Variants in HFM1 observed in about 807,000 individuals in gnomAD.
HFM1 encodes the protein helicase for meiosis 1, also known as probable ATP-dependent DNA helicase HFM1.
HFM1 carries 169 observed loss-of-function variants against 192.1 expected under a neutral mutation model. The observed-to-expected ratio is 0.88, with a 90% CI of 0.78 to 1.00. The LOEUF (loss-of-function observed/expected upper bound fraction) is 1.00. HFM1 is among the 50% of genes least tolerant of loss of function. HFM1 has a pLI of 0.00. For missense variants in HFM1, 1,661 were observed against 1,668.0 expected (o/e 1.00, Z 0.07); for synonymous variants, 525 against 537.8 (o/e 0.98, Z 0.33).
intron 16 of HFM1, 118 bp from the exon 17 acceptor site, chr1:91,351,761 C>A: frequency 2.2e-6 from 1 of 451,734 alleles, no homozygotes; most frequent in Admixed American, 3.8e-5. Context: ...AATAATACTT[C>A]AAAAAGGCCT....
chr1:91,329,975 C>T (rs768353137), intron 20 of HFM1, among the ~76,000 whole-genome samples: 10 of 152,112 alleles, frequency 6.6e-5, no homozygotes, highest in African/African-American at 2.2e-4. Flanking sequence ...ATCAGGAAGG[C>T]GCATCTTAGC....
chr1:91,376,313 T>C (rs1228356903), intron 11 of HFM1, among the ~76,000 whole-genome samples: 1 of 152,026 alleles, frequency 6.6e-6, no homozygotes, highest in African/African-American at 2.4e-5. Flanking sequence ...TGCTCTGCTA[T>C]GAAATTGACT....
At chr1:91,336,431 C>T (rs972270582) in intron 20 of HFM1, among the ~76,000 whole-genome samples, 2 of 151,798 alleles carry the variant, frequency 1.3e-5, no homozygotes, top group Admixed American at 1.3e-4. Flanking sequence ...TTCCTACTTC[C>T]CTCCATCCTG....
upstream of HFM1, among the ~76,000 whole-genome samples, chr1:91,407,207 G>A (rs148207085): frequency 1.4e-4 from 21 of 152,214 alleles, no homozygotes; most frequent in East Asian, 5.8e-4. Flanking sequence ...GGGCCCGTTG[G>A]GGGGTGAGGG....
intron 1 of HFM1, chr1:91,404,526 C>A (rs1664661380): frequency 4.6e-6 from 1 of 217,322 alleles, no homozygotes; most frequent in African/African-American, 2.4e-5. Flanking sequence ...CCCAGCCGGT[C>A]CCACCTCGCG....
At chr1:91,368,778 G>T (rs1326440836) in intron 13 of HFM1, among the ~76,000 whole-genome samples, 5 of 152,146 alleles carry the variant, frequency 3.3e-5, no homozygotes, top group African/African-American at 1.2e-4. Context: ...TGGGCTAAAT[G>T]CTCCAATTAA....
At chr1:91,370,742 G>A (rs1187349747) in intron 13 of HFM1, among the ~76,000 whole-genome samples, 7 of 152,132 alleles carry the variant, frequency 4.6e-5, no homozygotes, top group Non-Finnish European at 7.4e-5. Context: ...TCTGGCCAGG[G>A]CAATCAGGCA....
At chr1:91,386,834 C>T (rs866095712) in intron 4 of HFM1, among the ~76,000 whole-genome samples, 6 of 152,244 alleles carry the variant, frequency 3.9e-5, no homozygotes, top group African/African-American at 1.4e-4. Flanking sequence ...GCCACAGAAG[C>T]TACCAGATAA....
chr1:91,328,298 G>C lies in HFM1; in HGVS notation c.2336-3532C>G, dbSNP rs562189114. 88 of 1,217,460 alleles carry C rather than the reference G, an allele frequency of 7.2e-5. No individual in the cohort carries two copies. In the Middle Eastern group the frequency reaches 1.1e-3, roughly 15 times the overall value. The allele number at this position is 1,217,460 out of a possible 1,614,324, so 75.4% of individuals were successfully genotyped here. On this transcript the variant is annotated intron_variant, in intron 20 of 38. Transcript: ENST00000370425. The stretch of plus-strand genomic sequence containing the variant: ...GAGGGGGGAAAGTGGGCTTAGGACC[G>C]CCTGCCCAGGGCAACCCTGAATCAA...
chr1:91,385,612 T>C lies in HFM1; in HGVS notation c.717A>G (p.Pro239=), dbSNP rs1662101480. The C allele has an allele frequency of 1.9e-6, 3 of 1,612,960 alleles. No homozygotes were observed. The highest frequency in any genetic ancestry group is 1.7e-6 in the Non-Finnish European group (2 of 1,179,288). The change falls in exon 5 of 39, where the codon CCA becomes CCG. Residue 239 remains proline (P), a synonymous_variant. Transcript: ENST00000370425. ...SEIGEGMFKA[P]SFSVAFQPHD... The stretch of plus-strand genomic sequence containing the variant: ...GAGGTTGGAAAGCAACTGAAAAAGA[T>C]GGTGCTTTGAACATGCCTTCTCCGA...
upstream of HFM1, among the ~76,000 whole-genome samples, chr1:91,405,381 A>C (rs1293997025): frequency 6.6e-6 from 1 of 152,222 alleles, no homozygotes; most frequent in Non-Finnish European, 1.5e-5. Context: ...TTATCCTTTT[A>C]AGTTTCTTTA....
chr1:91,371,171 G>A (rs1660137424), intron 13 of HFM1, among the ~76,000 whole-genome samples: 2 of 152,062 alleles, frequency 1.3e-5, no homozygotes, highest in African/African-American at 2.4e-5. Flanking sequence ...ACTGCCCAAG[G>A]TAATTTATAG....
At chr1:91,355,964 A>C (rs1657669571) in intron 13 of HFM1, among the ~76,000 whole-genome samples, 1 of 152,228 alleles carries the variant, frequency 6.6e-6, no homozygotes, top group Admixed American at 6.5e-5. Flanking sequence ...TCATACATTA[A>C]GCCACAAAAC....
At chr1:91,324,468 A>G (rs1652586066) in intron 21 of HFM1, among the ~76,000 whole-genome samples, 2 of 152,236 alleles carry the variant, frequency 1.3e-5, no homozygotes, top group South Asian at 4.1e-4. Flanking sequence ...TAGCTCTGAT[A>G]AGAGTTAAAA....
intron 34 of HFM1, among the ~76,000 whole-genome samples, chr1:91,269,393 TGAAA>T (rs143710760): frequency 0.012 from 1,783 of 152,294 alleles, 33 homozygotes; most frequent in African/African-American, 0.04. Context: ...CAATAATGGC[TGAAA>T]GATTCTTGAA....
At chr1:91,264,361 A>ATT (rs71087940) in intron 36 of HFM1, among the ~76,000 whole-genome samples, 2,946 of 57,046 alleles carry the variant, frequency 0.052, 840 homozygotes, top group Non-Finnish European at 0.063. Context: ...CAAATTTAGT[A>ATT]TTTTTTTTTT....
At chr1:91,339,315 C>T (rs1655021735) in intron 20 of HFM1, among the ~76,000 whole-genome samples, 1 of 151,954 alleles carries the variant, frequency 6.6e-6, no homozygotes, top group South Asian at 2.1e-4. Context: ...AAATGTCAGA[C>T]CTAGAATTCA....
chr1:91,311,546 A>G (rs11803719), intron 30 of HFM1, among the ~76,000 whole-genome samples: 2,595 of 151,966 alleles, frequency 0.017, 66 homozygotes, highest in African/African-American at 0.059. Context: ...GAATTGCTTG[A>G]ACCCAGGAGG....
At chr1:91,338,283 A>G (rs548330240) in intron 20 of HFM1, among the ~76,000 whole-genome samples, 1 of 152,336 alleles carries the variant, frequency 6.6e-6, no homozygotes, top group East Asian at 1.9e-4. Context: ...ACAGTCAGGA[A>G]TGCCAATCCC....
Sources: gnomAD v4.1 joint callset for allele counts (sites outside exome capture counted in the v4.1 genomes callset) on GRCh38, gnomAD v4.1.1 for gene constraint, MANE v1.5 for transcripts, NCBI Gene and HGNC (gene_info 2026-07-23, HGNC 2026-07-21) for gene names.